The following SLC25A53 variants were observed in gnomAD, a reference collection of about 807,000 sequenced individuals.
SLC25A53 encodes the protein solute carrier family 25 member 53.
SLC25A53 carries 5 observed loss-of-function variants against 15.0 expected under a neutral mutation model. The observed-to-expected ratio is 0.33, with a 90% confidence interval of 0.17 to 0.70. SLC25A53 has a LOEUF of 0.70. SLC25A53 is among the 30% of genes least tolerant of loss of function. The pLI is 0.67. For missense variants in SLC25A53, 216 were observed against 241.6 expected, an observed-to-expected ratio of 0.89 and a Z score of 0.70; for synonymous variants, 95 against 100.0, an observed-to-expected ratio of 0.95 and a Z score of 0.30.
intron 1 of SLC25A53, among the ~76,000 whole-genome samples, chrX:104,127,270 T>C (rs1186939668): frequency 8.9e-6 from 1 of 112,220 alleles, no homozygotes; most frequent in East Asian, 2.8e-4. Context: ...TAGGACTCTA[T>C]TTATGTAACA....
chrX:104,151,763 T>C (rs2075485323), intron 1 of SLC25A53, among the ~76,000 whole-genome samples: 1 of 112,136 alleles, frequency 8.9e-6, no homozygotes, highest in Admixed American at 9.5e-5. Context: ...ATACTGAATG[T>C]TCATGCAACA....
chrX:104,114,014 C>T, intron 1 of SLC25A53: 1 of 1,164,106 alleles, frequency 8.6e-7, no homozygotes, highest in Admixed American at 2.5e-5. Flanking sequence ...ATAAGGCAGG[C>T]ACAGCCCAGG....
chrX:104,130,075 G>A (rs1484908918), intron 1 of SLC25A53, among the ~76,000 whole-genome samples: 1 of 110,890 alleles, frequency 9.0e-6, no homozygotes, highest in African/African-American at 3.3e-5. Flanking sequence ...ATCAGCACGC[G>A]GAAGTCTGCA....
At position 104,123,729 on chromosome X, in the gene SLC25A53, C is replaced by T. The variant is rs782615330; in HGVS notation, c.-31-18441G>A. Among the ~76,000 whole-genome samples the T allele has an allele frequency of 3.6e-5, 4 of 110,168 alleles. No individual in the cohort carries two copies. The South Asian group carries it at 1.6e-3, about 43-fold the overall frequency. On this transcript the variant is annotated intron_variant, in intron 1 of 1. Coordinates refer to ENST00000594199, the MANE Select transcript of SLC25A53 (RefSeq NM_001012755.5). ...CCTCCTCTAGCCCCCTACCCCTCAACAGGCCCCGTTGTGTGATGTTCCCCT... is the reference window on the plus strand; with the variant it reads ...CCTCCTCTAGCCCCCTACCCCTCAATAGGCCCCGTTGTGTGATGTTCCCCT...
intron 1 of SLC25A53, among the ~76,000 whole-genome samples, chrX:104,129,030 A>G (rs1352121039): frequency 8.9e-6 from 1 of 111,781 alleles, no homozygotes; most frequent in Non-Finnish European, 1.9e-5. Flanking sequence ...AATTATATGC[A>G]GTATTTTATA....
chrX:104,144,395 T>C lies in SLC25A53; in HGVS notation c.-32+12483A>G, dbSNP rs1401238571. ...CACACATAGGCTCAAAATAAAGGGA[T>C]GGAGGAAGATCTACCAAGCAAATGG... On this transcript the variant is annotated intron_variant, in intron 1 of 1. Coordinates refer to ENST00000594199, the MANE Select transcript of SLC25A53 (RefSeq NM_001012755.5). 9.0e-5 allele frequency among the ~76,000 whole-genome samples: 10 copies of C among 111,346 alleles called. No homozygotes were observed. The East Asian group carries it at 2.8e-3, about 32-fold the overall frequency.
At chrX:104,142,351 T>C (rs782307133) in intron 1 of SLC25A53, among the ~76,000 whole-genome samples, 1 of 112,191 alleles carries the variant, frequency 8.9e-6, no homozygotes, top group Non-Finnish European at 1.9e-5. Context: ...GATGAGCAAA[T>C]GTCTTTTCAA....
chrX:104,144,572 G>A (rs566213177), intron 1 of SLC25A53, among the ~76,000 whole-genome samples: 1 of 111,665 alleles, frequency 9.0e-6, no homozygotes, highest in African/African-American at 3.3e-5. Flanking sequence ...GACCAGAGCT[G>A]TTCCTATTCG....
chrX:104,147,147 C>T (rs1385329237), intron 1 of SLC25A53, among the ~76,000 whole-genome samples: 3 of 111,100 alleles, frequency 2.7e-5, no homozygotes, highest in Non-Finnish European at 5.7e-5. Flanking sequence ...GAAATAACGC[C>T]GCATATCTAC....
chrX:104,155,097 A>G (rs782224877), intron 1 of SLC25A53, among the ~76,000 whole-genome samples: 1 of 111,137 alleles, frequency 9.0e-6, no homozygotes, highest in Non-Finnish European at 1.9e-5. Flanking sequence ...TTTCATATCT[A>G]CTGTGTCTGA....
At position 104,129,266 on chromosome X, in the gene SLC25A53, G is replaced by A. The variant is rs1046998607; in HGVS notation, c.-31-23978C>T. ...TACAGAGCGTCTTCACATATAGACT[G>A]GCAAGCCTTTCCTATTCCTTTTTCT... On this transcript the variant is annotated intron_variant, in intron 1 of 1. Coordinates refer to ENST00000594199, the MANE Select transcript of SLC25A53 (RefSeq NM_001012755.5). 1.6e-4 allele frequency among the ~76,000 whole-genome samples: 18 copies of A among 111,441 alleles called. 1 individual carries two copies. In the Admixed American group the frequency reaches 1.7e-3, roughly 11 times the overall value.
chrX:104,132,921 T>A (rs899840008), intron 1 of SLC25A53, among the ~76,000 whole-genome samples: 1 of 111,621 alleles, frequency 9.0e-6, no homozygotes, highest in Non-Finnish European at 1.9e-5. Flanking sequence ...CTCTACCAAA[T>A]CACTGGCTGA....
chrX:104,151,095 C>T (rs1010048191), intron 1 of SLC25A53, among the ~76,000 whole-genome samples: 8 of 111,537 alleles, frequency 7.2e-5, no homozygotes, highest in Non-Finnish European at 1.3e-4. Context: ...TTAAAATGCC[C>T]CTAAAGTTAT....
At position 104,103,502 on chromosome X, in the gene SLC25A53, T is replaced by G. The variant is rs1174025543; in HGVS notation, c.*832A>C. 4 of 111,773 alleles carry G rather than the reference T, an allele frequency of 3.6e-5. No homozygotes were observed. The highest frequency in any genetic ancestry group is 1.3e-4 in the African/African-American group (4 of 30,682). The allele number at this position is 111,773 out of a possible 1,213,427, so 9.2% of individuals were successfully genotyped here. A position where few individuals can be genotyped will look rare whatever the true frequency, so the allele number is the denominator to read the frequency against. Reference sequence around the variant, plus strand: ...GTCATAGTAACTACATTTAACCACATCAACAAAATATGCAATTTTCTGTGA... The same window carrying G: ...GTCATAGTAACTACATTTAACCACAGCAACAAAATATGCAATTTTCTGTGA... On this transcript the variant is annotated 3_prime_UTR_variant, in exon 2 of 2. Coordinates refer to ENST00000594199, the MANE Select transcript of SLC25A53 (RefSeq NM_001012755.5).
intron 1 of SLC25A53, among the ~76,000 whole-genome samples, chrX:104,127,069 T>C (rs1049528801): frequency 1.8e-5 from 2 of 112,359 alleles, no homozygotes; most frequent in African/African-American, 3.2e-5. Flanking sequence ...ACAGCAACTT[T>C]ATCTGTAATT....
At chrX:104,122,377 T>G (rs186070612) in intron 1 of SLC25A53, among the ~76,000 whole-genome samples, 1 of 105,072 alleles carries the variant, frequency 9.5e-6, no homozygotes, top group East Asian at 3.0e-4. Flanking sequence ...TGGTGTGATT[T>G]CTTCTCAGCA....
intron 1 of SLC25A53, among the ~76,000 whole-genome samples, chrX:104,154,849 C>T (rs1299031266): frequency 9.0e-6 from 1 of 111,580 alleles, no homozygotes; most frequent in Non-Finnish European, 1.9e-5. Flanking sequence ...GAGTACATTT[C>T]AAATGTTAGC....
At chrX:104,121,378 A>C (rs782536686) in intron 1 of SLC25A53, among the ~76,000 whole-genome samples, 1 of 111,934 alleles carries the variant, frequency 8.9e-6, no homozygotes, top group Non-Finnish European at 1.9e-5. Context: ...CACTGAGAAA[A>C]GCATCCTTAT....
intron 1 of SLC25A53, among the ~76,000 whole-genome samples, chrX:104,127,326 T>C (rs888677581): frequency 8.9e-6 from 1 of 111,835 alleles, no homozygotes; most frequent in Non-Finnish European, 1.9e-5. Flanking sequence ...GATTAATCAT[T>C]GCCAGGGAGC....
Sources: allele counts gnomAD v4.1 joint callset (sites outside exome capture counted in the v4.1 genomes callset), GRCh38; gene constraint gnomAD v4.1.1; transcripts MANE v1.5; gene names NCBI Gene and HGNC (gene_info 2026-07-23, HGNC 2026-07-21).